Variants in CARMIL1 observed in about 807,000 individuals in gnomAD.
CARMIL1 encodes capping protein regulator and myosin 1 linker 1.
In CARMIL1, 90 loss-of-function variants were observed where a neutral mutation model predicts 177.1. The ratio of observed to expected loss-of-function variants is 0.51; its 90% CI spans 0.43 to 0.61. The LOEUF is 0.61. CARMIL1 is among the 20% of genes least tolerant of loss of function. The pLI, the probability that CARMIL1 is intolerant of heterozygous loss-of-function variation, is 0.00. For missense variants in CARMIL1, 1,380 were observed against 1,667.0 expected (o/e 0.83, Z 3.00); for synonymous variants, 577 against 606.2 (o/e 0.95, Z 0.71).
chr6:25,472,284 G>A, intron 10 of CARMIL1, 143 bp from the exon 11 acceptor site: 2 of 586,530 alleles, frequency 3.4e-6, no homozygotes. Context: ...GGTGTTAATG[G>A]GTATTAAGAA....
intron 2 of CARMIL1, among the ~76,000 whole-genome samples, chr6:25,386,544 G>C (rs12210416): frequency 0.15 from 22,705 of 151,992 alleles, 2,065 homozygotes; most frequent in East Asian, 0.21. Flanking sequence ...TGCCTGGCTT[G>C]TTGTTTGTAA....
chr6:25,441,337 A>ATATATATATATATGTGTGTGTG, intron 5 of CARMIL1, among the ~76,000 whole-genome samples: 132 of 94,508 alleles, frequency 1.4e-3, no homozygotes, highest in African/African-American at 3.3e-3. Context: ...ATATATATAT[A>ATATATATATATATGTGTGTGTG]TGTGTGTGTG....
Position 25,279,833 on chromosome 6 carries a change from T to C in CARMIL1, c.38T>C (p.Ile13Thr), listed in dbSNP as rs1334435243. 5 of 1,613,932 alleles carry C rather than the reference T, an allele frequency of 3.1e-6. No individual in the cohort carries two copies. Among genetic ancestry groups the C allele is most frequent in the Non-Finnish European group, 4.2e-6 (5 of 1,179,864 alleles). Reference protein sequence around the residue: ...EESSDVPRELIESIKDVIGRK... With the variant: ...EESSDVPRELTESIKDVIGRK... ...AGCTCTGACGTTCCCAGGGAGTTGA[T>C]AGGTAAGATTCACGCGGTTGTTGGT... The change falls in exon 1 of 37, where the codon ATA becomes ACA. Residue 13 changes from isoleucine to threonine, a missense_variant and splice_region_variant. By Grantham distance (89) the Ile-to-Thr change is moderately conservative. Transcript: ENST00000329474.
Position 25,373,389 on chromosome 6 carries a change from C to T in CARMIL1, c.139-46725C>T, listed in dbSNP as rs138955977. Among the ~76,000 whole-genome samples, 191 of 102,046 alleles carry T rather than the reference C, an allele frequency of 1.9e-3. 1 individual carries two copies. The highest frequency in any genetic ancestry group is 6.9e-3 in the Middle Eastern group (1 of 144). The allele number at this position is 102,046 out of a possible 152,430, so 66.9% of individuals were successfully genotyped here. A position where few individuals can be genotyped will look rare whatever the true frequency, so the allele number is the denominator to read the frequency against. ...TTCAGCTGTGAATCTATCTGGCCTT[C>T]GGCTTTTTTTTTTTTTTTTTGGTCT... On this transcript the variant is annotated intron_variant, in intron 2 of 36. Coordinates refer to ENST00000329474, the MANE Select transcript of CARMIL1 (RefSeq NM_017640.6).
chr6:25,338,915 T>C (rs1581614715), intron 2 of CARMIL1, among the ~76,000 whole-genome samples: 3 of 151,398 alleles, frequency 2.0e-5, no homozygotes, highest in African/African-American at 7.3e-5. Context: ...CCATTGTTTC[T>C]GAATTTGAGT....
intron 2 of CARMIL1, among the ~76,000 whole-genome samples, chr6:25,349,599 T>A (rs1379090538): frequency 2.0e-5 from 3 of 152,222 alleles, no homozygotes; most frequent in African/African-American, 7.2e-5. Flanking sequence ...TTTAAAAGAT[T>A]GGTAGTTCCC....
chr6:25,472,719 G>T, intron 11 of CARMIL1, 198 bp downstream of exon 11: 1 of 543,828 alleles, frequency 1.8e-6, no homozygotes, highest in Non-Finnish European at 3.2e-6. Context: ...CACCTTTTTT[G>T]AAGTGAAACA....
Position 25,495,202 on chromosome 6 carries a change from C to G in CARMIL1, c.1312C>G (p.Pro438Ala). The change falls in exon 16 of 37, where the codon CCT becomes GCT. Residue 438 changes from proline (P) to alanine (A), a missense_variant. Transcript: ENST00000329474. ...CAACCTTTCAGGCACAAAACTGTCT[C>G]CTGAGCCCTTAAAGTGAGTGGTTAA... ...HINLSGTKLS[P>A]EPLKALLLGL... The G allele has an allele frequency of 6.2e-7, 1 of 1,609,622 alleles. No individual in the cohort carries two copies. The highest frequency in any genetic ancestry group is 8.5e-7 in the Non-Finnish European group (1 of 1,177,578).
In CARMIL1 at chr6:25,620,108, A is replaced by T. The variant is rs1286052738; in HGVS notation, c.*525A>T. 1 of 152,564 alleles carries T rather than the reference A, an allele frequency of 6.6e-6. No individual in the cohort carries two copies. Among genetic ancestry groups the T allele is most frequent in the Non-Finnish European group, 1.5e-5 (1 of 68,054 alleles). 9.5% of individuals were successfully genotyped at this position (152,564 alleles called of 1,614,324 possible). A position where few individuals can be genotyped will look rare whatever the true frequency, so the allele number is the denominator to read the frequency against. On this transcript the variant is annotated 3_prime_UTR_variant, in exon 37 of 37. Transcript: ENST00000329474. ...AATTATATTAACAGAGCACACTAAT[A>T]ATTTGTATAGATTATATATATTAGA... is the stretch of plus-strand genomic sequence containing the variant.
At chr6:25,390,589 T>C (rs1390339710) in intron 2 of CARMIL1, among the ~76,000 whole-genome samples, 1 of 151,606 alleles carries the variant, frequency 6.6e-6, no homozygotes, top group African/African-American at 2.4e-5. Context: ...CCCAAAGTGG[T>C]GGGATTACAA....
chr6:25,552,911 A>C (rs1459013491), intron 27 of CARMIL1, among the ~76,000 whole-genome samples: 1 of 152,198 alleles, frequency 6.6e-6, no homozygotes, highest in South Asian at 2.1e-4. Context: ...TATTTTTAAT[A>C]TGAGACCTGG....
At chr6:25,441,337 A>ATATATATATATATATATGTGTGTGTG in intron 5 of CARMIL1, among the ~76,000 whole-genome samples, 2 of 94,532 alleles carry the variant, frequency 2.1e-5, no homozygotes, top group African/African-American at 8.8e-5. Flanking sequence ...ATATATATAT[A>ATATATATATATATATATGTGTGTGTG]TGTGTGTGTG....
At chr6:25,542,669 C>T (rs147056892) in intron 26 of CARMIL1, among the ~76,000 whole-genome samples, 1 of 152,044 alleles carries the variant, frequency 6.6e-6, no homozygotes, top group Admixed American at 6.5e-5. Context: ...TCAACTAAAA[C>T]GTCTTAATTA....
intron 2 of CARMIL1, among the ~76,000 whole-genome samples, chr6:25,351,567 T>C (rs1050092181): frequency 6.6e-6 from 1 of 152,256 alleles, no homozygotes; most frequent in Non-Finnish European, 1.5e-5. Context: ...CTGCTCACTT[T>C]ACGGTTTTTG....
At chr6:25,368,586 C>A (rs1056897834) in intron 2 of CARMIL1, among the ~76,000 whole-genome samples, 8 of 152,134 alleles carry the variant, frequency 5.3e-5, no homozygotes, top group African/African-American at 1.7e-4. Flanking sequence ...TCTCATAGAA[C>A]CCCAGATGAT....
At chr6:25,329,938 A>G (rs143866476) in intron 2 of CARMIL1, among the ~76,000 whole-genome samples, 106 of 152,330 alleles carry the variant, frequency 7.0e-4, no homozygotes, top group Admixed American at 4.1e-3. Context: ...GAGTTGTTTA[A>G]TGATGAACTT....
chr6:25,611,945 A>G lies in CARMIL1; in HGVS notation c.3979+1764A>G, dbSNP rs569180665. On this transcript the variant is annotated intron_variant, in intron 36 of 36. Transcript: ENST00000329474. ...TAGAAATAGAATGTGTTCCTCCTTA[A>G]ATGTTTCAGAGCTTTAGGGGTATAT... 1.2e-3 allele frequency among the ~76,000 whole-genome samples: 183 copies of G among 152,232 alleles called. 1 individual carries two copies. Among genetic ancestry groups the G allele is most frequent in the African/African-American group, 3.9e-3 (163 of 41,538 alleles).
chr6:25,401,275 TACACAAAC>T (rs962038436), intron 2 of CARMIL1, among the ~76,000 whole-genome samples: 6 of 123,238 alleles, frequency 4.9e-5, no homozygotes, highest in Non-Finnish European at 1.1e-4. Context: ...AAACATTTTA[TACACAAAC>T]ACACACACAC....
intron 24 of CARMIL1, among the ~76,000 whole-genome samples, chr6:25,531,129 C>T (rs1807726421): frequency 1.3e-5 from 2 of 152,078 alleles, no homozygotes; most frequent in African/African-American, 4.8e-5. Context: ...AAATCAAAAA[C>T]ATAAAAATAA....
Sources: allele counts gnomAD v4.1 joint callset (sites outside exome capture counted in the v4.1 genomes callset), GRCh38; gene constraint gnomAD v4.1.1; transcripts MANE v1.5; gene names NCBI Gene and HGNC (gene_info 2026-07-23, HGNC 2026-07-21).